The following EP400 variants were observed in gnomAD, a reference collection of about 807,000 sequenced individuals.
EP400 encodes E1A-binding protein p400.
A neutral mutation model predicts 354.1 loss-of-function variants in EP400; 105 were observed. The ratio of observed to expected loss-of-function variants is 0.30; its 90% CI spans 0.25 to 0.35. The LOEUF (loss-of-function observed/expected upper bound fraction) is 0.35. Among genes scored for constraint, EP400 ranks in the 10% least tolerant of loss-of-function variants. The pLI, the probability that EP400 is intolerant of heterozygous loss-of-function variation, is 1.00. For missense variants in EP400, 3,280 were observed against 4,121.0 expected, an observed-to-expected ratio of 0.80 and a Z score of 5.59; for synonymous variants, 1,646 against 1,716.9, an observed-to-expected ratio of 0.96 and a Z score of 1.02.
At chr12:131,963,654 T>C (rs1038800246) in intron 2 of EP400, 40 of 1,592,910 alleles carry the variant, frequency 2.5e-5, no homozygotes, top group Middle Eastern at 3.3e-4. Context: ...TACTTTTCGA[T>C]GGTTCTCAAA....
chr12:131,950,659 C>T (rs902083662), intron 1 of EP400, among the ~76,000 whole-genome samples: 8 of 152,330 alleles, frequency 5.3e-5, no homozygotes, highest in Non-Finnish European at 5.9e-5. Flanking sequence ...GCCGCTGCCT[C>T]CCCGGGGGCG....
intron 5 of EP400, among the ~76,000 whole-genome samples, chr12:131,983,832 A>G (rs577109828): frequency 1.3e-5 from 2 of 151,556 alleles, no homozygotes; most frequent in African/African-American, 4.8e-5. Flanking sequence ...GGCGCACACC[A>G]CTACACCTGG....
Position 132,050,687 on chromosome 12 carries a change from G to C in EP400, c.7394+32G>C. 6.2e-7 allele frequency: 1 copy of C among 1,613,566 alleles called. No homozygotes were observed. Among genetic ancestry groups the C allele is most frequent in the Non-Finnish European group, 8.5e-7 (1 of 1,179,498 alleles). ...CTCTATTCGTGACACATTTGTTACTGTTTGGAAGGATTTCATTCCAGTGTC... is the reference window on the plus strand; with the variant it reads ...CTCTATTCGTGACACATTTGTTACTCTTTGGAAGGATTTCATTCCAGTGTC... On this transcript the variant is annotated intron_variant, in intron 41 of 52. Coordinates refer to ENST00000389561, the MANE Select transcript of EP400 (RefSeq NM_015409.5). The surrounding 1 kb of genome is among the most constrained non-coding windows in gnomAD (Gnocchi z 4.8).
intron 15 of EP400, among the ~76,000 whole-genome samples, chr12:132,010,212 G>T (rs764033671): frequency 6.6e-6 from 1 of 150,948 alleles, no homozygotes; most frequent in Non-Finnish European, 1.5e-5. Context: ...TCAGCCTCCT[G>T]AGTAGCTGGG....
At chr12:132,008,117 T>C (rs1288774806) in intron 15 of EP400, among the ~76,000 whole-genome samples, 2 of 152,120 alleles carry the variant, frequency 1.3e-5, no homozygotes, top group African/African-American at 4.8e-5. Context: ...CCCAGCTAAT[T>C]TTGTATTTTT....
At chr12:131,977,808 ACT>A (rs901712055) in intron 2 of EP400, among the ~76,000 whole-genome samples, 8 of 151,502 alleles carry the variant, frequency 5.3e-5, no homozygotes, top group Non-Finnish European at 7.4e-5. Context: ...CCTTTTAGTA[ACT>A]CTTCCTAAGC....
chr12:132,001,525 A>C (rs1430314862), intron 12 of EP400, among the ~76,000 whole-genome samples: 1 of 152,178 alleles, frequency 6.6e-6, no homozygotes, highest in East Asian at 1.9e-4. Context: ...AGGCCTCCGG[A>C]TAACTGTGCG....
chr12:131,961,452 A>C lies in EP400; in HGVS notation c.833A>C (p.Gln278Pro), dbSNP rs1891879164. The C allele has an allele frequency of 6.5e-7, 1 of 1,528,354 alleles. No homozygotes were observed. The highest frequency in any genetic ancestry group is 1.4e-5 in the African/African-American group (1 of 72,384). The allele number at this position is 1,528,354 out of a possible 1,614,324, so 94.7% of individuals were successfully genotyped here. ...ISSIIQGQLV[Q>P]QQQVLQGPPL... ...AGCATCATCCAGGGCCAGCTGGTTC[A>C]GCAGCAGCAGGTGCTGCAGGGGCCG... Residue 278 changes from glutamine to proline, a missense_variant, in exon 2 of 53, where the codon CAG becomes CCG. Physicochemically the swap from Gln to Pro is moderately conservative, Grantham distance 76. Around this residue, in one of 20 missense-constraint regions of EP400, gnomAD observed 85 missense variants for 180.3 expected, o/e 0.47. Transcript: ENST00000389561.
chr12:131,954,071 C>T (rs1891609163), intron 1 of EP400, among the ~76,000 whole-genome samples: 1 of 152,016 alleles, frequency 6.6e-6, no homozygotes, highest in Non-Finnish European at 1.5e-5. Context: ...TGAGATTGCG[C>T]CGCAGCACTC....
chr12:132,006,763 G>A lies in EP400; in HGVS notation c.3190G>A (p.Asp1064Asn). Residue 1064 changes from aspartate to asparagine, a missense_variant, in exon 15 of 53, where the codon GAC (aspartate) becomes AAC (asparagine). By Grantham distance (23) the Asp-to-Asn change is conservative. This residue lies in a region of EP400 where 242 missense variants were observed against 357.9 expected (regional missense o/e 0.68). Transcript: ENST00000389561. ...CAGAGATTATCAGAAGATTGGCCTG[G>A]ACTGGCTGGCCAAACTTTACAGGAA... ...ALRDYQKIGL[D>N]WLAKLYRKNL... The A allele has an allele frequency of 4.3e-6, 7 of 1,614,108 alleles. No homozygotes were observed. The highest frequency in any genetic ancestry group is 1.3e-5 in the African/African-American group (1 of 75,058).
At position 131,961,465 on chromosome 12, in the gene EP400, G is replaced by A; in HGVS notation, c.846G>A (p.Val282=). ...IQGQLVQQQQ[V]LQGPPLPRPL... is the part of the protein sequence containing the mutation. ...GCCAGCTGGTTCAGCAGCAGCAGGT[G>A]CTGCAGGGGCCGCCGCTGCCCCGGC... The change falls in exon 2 of 53, where the codon GTG becomes GTA. Residue 282 remains valine, a synonymous_variant. Transcript: ENST00000389561. 1.3e-6 allele frequency: 2 copies of A among 1,549,730 alleles called. No individual in the cohort carries two copies.
chr12:131,967,995 T>C (rs912607175), intron 2 of EP400, among the ~76,000 whole-genome samples: 2 of 152,236 alleles, frequency 1.3e-5, no homozygotes, highest in Non-Finnish European at 2.9e-5. Flanking sequence ...TCACATAATA[T>C]GGACATGTTT....
chr12:132,018,108 C>A lies in EP400; in HGVS notation c.4111-102C>A, dbSNP rs1593350102. 1 of 1,469,898 alleles carries A rather than the reference C, an allele frequency of 6.8e-7. No homozygotes were observed. The allele number at this position is 1,469,898 out of a possible 1,614,324, so 91.1% of individuals were successfully genotyped here. A position where few individuals can be genotyped will look rare whatever the true frequency, so the allele number is the denominator to read the frequency against. ...CGAGTGGCCGTTAGAGGGGGCGCGTCTGGATGCCCACGTTAGGGCCCTGCC... is the reference window on the plus strand; with the variant it reads ...CGAGTGGCCGTTAGAGGGGGCGCGTATGGATGCCCACGTTAGGGCCCTGCC... On this transcript the variant is annotated intron_variant, in intron 20 of 52. Transcript: ENST00000389561. This position sits in a 1 kb window ranked among gnomAD's most constrained non-coding sequence, Gnocchi z 4.0.
At chr12:132,034,898 A>G (rs2136562922) in intron 30 of EP400, among the ~76,000 whole-genome samples, 1 of 152,198 alleles carries the variant, frequency 6.6e-6, no homozygotes, top group East Asian at 1.9e-4. Flanking sequence ...ACAGACCCCA[A>G]AGTCAGGGGA....
At position 132,025,466 on chromosome 12, in the gene EP400, A is replaced by T. The variant is rs1894273828; in HGVS notation, c.4856-180A>T. Among the ~76,000 whole-genome samples the T allele has an allele frequency of 6.6e-6, 1 of 152,200 alleles. No homozygotes were observed. Among genetic ancestry groups the T allele is most frequent in the Admixed American group, 6.5e-5 (1 of 15,288 alleles). ...ATACCTTGTCTCTTAGTGTGTCGTCATCCACTGTCGGTGATGGGTTGCCAC... is the reference window on the plus strand; with the variant it reads ...ATACCTTGTCTCTTAGTGTGTCGTCTTCCACTGTCGGTGATGGGTTGCCAC... On this transcript the variant is annotated intron_variant, in intron 24 of 52. Transcript: ENST00000389561. This position sits in a 1 kb window ranked among gnomAD's most constrained non-coding sequence, Gnocchi z 4.1.
At chr12:132,040,806 G>A (rs992894050) in intron 32 of EP400, among the ~76,000 whole-genome samples, 1 of 152,186 alleles carries the variant, frequency 6.6e-6, no homozygotes, top group African/African-American at 2.4e-5. Flanking sequence ...GGTGAGGCCT[G>A]ACTGTAGGGA....
rs1244342406 is a variant in EP400 at position 132,027,446 on chromosome 12, C to T, written c.5024C>T (p.Pro1675Leu). ...CTTTATGCATTTGTAGTTGGCGTTC[C>T]GGGCCGCGTGGCGGTGAATGCCTTG... ...PAPLTPQVGV[P>L]GRVAVNALAV... The change falls in exon 26 of 53, where the codon CCG (proline) becomes CTG (leucine). Residue 1675 changes from proline (P) to leucine (L), a missense_variant. Physicochemically the swap from Pro to Leu is moderately conservative, Grantham distance 98 (BLOSUM62 -3). This residue lies in a region of EP400 where 459 missense variants were observed against 496.9 expected (regional missense o/e 0.92). Coordinates refer to ENST00000389561, the MANE Select transcript of EP400 (RefSeq NM_015409.5). The surrounding 1 kb of genome is among the most constrained non-coding windows in gnomAD (Gnocchi z 4.9). 12 of 1,613,956 alleles carry T rather than the reference C, an allele frequency of 7.4e-6. No homozygotes were observed. Among genetic ancestry groups the T allele is most frequent in the South Asian group, 4.4e-5 (4 of 91,090 alleles).
chr12:132,053,050 C>T (rs1895357652), intron 41 of EP400, 96 bp from the exon 42 acceptor site: 6 of 1,354,332 alleles, frequency 4.4e-6, no homozygotes, highest in Non-Finnish European at 5.3e-6. Flanking sequence ...GCTGGAGCTG[C>T]CCCAGCACCT....
At chr12:132,059,469 C>T (rs1479914639) in intron 45 of EP400, among the ~76,000 whole-genome samples, 1 of 152,238 alleles carries the variant, frequency 6.6e-6, no homozygotes, top group East Asian at 1.9e-4. Flanking sequence ...GTGAAGTCTA[C>T]CTGCTTCAGT....
Sources: allele counts gnomAD v4.1 joint callset (sites outside exome capture counted in the v4.1 genomes callset), GRCh38; gene constraint gnomAD v4.1.1; regional missense constraint gnomAD v4.1.1; non-coding constraint Gnocchi (gnomAD v3.1); transcripts MANE v1.5; gene names NCBI Gene and HGNC (gene_info 2026-07-23, HGNC 2026-07-21).